Variants in LRFN1 observed in about 807,000 individuals in gnomAD.
LRFN1 encodes the protein leucine-rich repeat and fibronectin type III domain-containing protein 1.
Under a neutral mutation model 31.8 loss-of-function variants are expected in LRFN1, and 20 were observed. The ratio of observed to expected loss-of-function variants is 0.63; its 90% CI spans 0.44 to 0.91. The LOEUF is 0.91. LRFN1 is among the 40% of genes least tolerant of loss of function. LRFN1 has a pLI of 0.00. For synonymous variants in LRFN1, 514 were observed against 541.3 expected, an observed-to-expected ratio of 0.95 and a Z score of 0.70; for missense variants, 912 against 1,129.8, an observed-to-expected ratio of 0.81 and a Z score of 2.76.
intron 1 of LRFN1, among the ~76,000 whole-genome samples, chr19:39,319,433 TCACA>T (rs59717724): frequency 4.7e-5 from 7 of 149,358 alleles, no homozygotes; most frequent in Admixed American, 2.7e-4. Context: ...GATACATACC[TCACA>T]CACACACACA....
chr19:39,307,170 G>A lies in LRFN1; in HGVS notation c.*463C>T. 1 of 397,098 alleles carries A rather than the reference G, an allele frequency of 2.5e-6. No individual in the cohort carries two copies. The highest frequency in any genetic ancestry group is 1.4e-4 in the South Asian group (1 of 7,066). The allele number at this position is 397,098 out of a possible 1,614,324, so 24.6% of individuals were successfully genotyped here. On this transcript the variant is annotated 3_prime_UTR_variant, in exon 5 of 5. Coordinates refer to ENST00000248668, the MANE Select transcript of LRFN1 (RefSeq NM_020862.2). This position sits in a 1 kb window ranked among gnomAD's most constrained non-coding sequence, Gnocchi z 6.7. ...CCCGACCGGACCAGGAATGTGCGTGGGGTGGGGTGGGAGGCTTTGGAGGCC... is the reference window on the plus strand; with the variant it reads ...CCCGACCGGACCAGGAATGTGCGTGAGGTGGGGTGGGAGGCTTTGGAGGCC...
Position 39,309,478 on chromosome 19 carries a change from C to CAAAAAAAAAAAAAA in LRFN1, c.1407-950_1407-937dup, listed in dbSNP as rs71169583. On this transcript the variant is annotated intron_variant, in intron 4 of 4. Transcript: ENST00000248668. ...ACTCTGTCTCAAAAAACAAACAAAC[C>CAAAAAAAAAAAAAA]AAAAAAAAAAAAAAAAAAAAAAAAA... 7.2e-4 allele frequency among the ~76,000 whole-genome samples: 23 copies of CAAAAAAAAAAAAAA among 31,998 alleles called. 2 individuals are homozygous for CAAAAAAAAAAAAAA. Among genetic ancestry groups the CAAAAAAAAAAAAAA allele is most frequent in the African/African-American group, 2.6e-3 (18 of 6,826 alleles). 21.0% of individuals were successfully genotyped at this position (31,998 alleles called of 152,430 possible).
chr19:39,308,646 G>T lies in LRFN1; in HGVS notation c.1407-104C>A. On this transcript the variant is annotated intron_variant, in intron 4 of 4. Transcript: ENST00000248668. This position sits in a 1 kb window ranked among gnomAD's most constrained non-coding sequence, Gnocchi z 6.2. Reference sequence around the variant, plus strand: ...ACAGTGGGGACTAAACCCTGCTATCGAAGTCTCAGCCGCTACTGAGACAAC... The same window carrying T: ...ACAGTGGGGACTAAACCCTGCTATCTAAGTCTCAGCCGCTACTGAGACAAC... 1.9e-6 allele frequency: 2 copies of T among 1,064,924 alleles called. No homozygotes were observed. The highest frequency in any genetic ancestry group is 2.6e-6 in the Non-Finnish European group (2 of 760,442). The allele number at this position is 1,064,924 out of a possible 1,614,324, so 66.0% of individuals were successfully genotyped here.
intron 2 of LRFN1, among the ~76,000 whole-genome samples, chr19:39,317,325 T>C (rs964005803): frequency 6.6e-6 from 1 of 151,990 alleles, no homozygotes; most frequent in African/African-American, 2.4e-5. Context: ...TGTCCTACCA[T>C]CTCTGAGTTC....
At position 39,314,599 on chromosome 19, in the gene LRFN1, G is replaced by T; in HGVS notation, c.738C>A (p.Thr246=). The change falls in exon 4 of 5, where the codon ACC becomes ACA. Residue 246 remains threonine, a synonymous_variant. Coordinates refer to ENST00000248668, the MANE Select transcript of LRFN1 (RefSeq NM_020862.2). ...GCAGGGGGTTGCCGCCGAAGCTGAC[G>T]GTCAGCGGGGTGGGCGGCTTGGGCC... ...GTGPKPPTPL[T]VSFGGNPLHC... 6.2e-7 allele frequency: 1 copy of T among 1,609,892 alleles called. No homozygotes were observed. Among genetic ancestry groups the T allele is most frequent in the Non-Finnish European group, 8.5e-7 (1 of 1,178,262 alleles).
chr19:39,309,961 C>T (rs2075145169), intron 4 of LRFN1, among the ~76,000 whole-genome samples: 1 of 152,140 alleles, frequency 6.6e-6, no homozygotes, highest in South Asian at 2.1e-4. Flanking sequence ...TCTTTTGTTT[C>T]ATTTTGTTTT....
chr19:39,317,918 C>G (rs1287261436), intron 2 of LRFN1, among the ~76,000 whole-genome samples: 1 of 152,100 alleles, frequency 6.6e-6, no homozygotes, highest in Non-Finnish European at 1.5e-5. Flanking sequence ...CTTCCCACAC[C>G]CATGCACACG....
Position 39,308,218 on chromosome 19 carries a change from C to T in LRFN1, c.1731G>A (p.Pro577=). ...TCTGCGAGCACACGTGGCTGACCCG[C>T]GGGAGCGACCTGGAGCCCTTGACGC... ...SRRVKGSRSL[P]RVSHVCSQTN... is the part of the protein sequence containing the mutation. The change falls in exon 5 of 5, where the codon CCG becomes CCA. Residue 577 remains proline (P), a synonymous_variant. Transcript: ENST00000248668. This position sits in a 1 kb window ranked among gnomAD's most constrained non-coding sequence, Gnocchi z 6.2. The T allele has an allele frequency of 6.8e-6, 11 of 1,609,798 alleles. No homozygotes were observed. The highest frequency in any genetic ancestry group is 8.5e-6 in the Non-Finnish European group (10 of 1,177,770).
At chr19:39,318,564 AG>A (rs2145039789) in intron 1 of LRFN1, among the ~76,000 whole-genome samples, 1 of 152,194 alleles carries the variant, frequency 6.6e-6, no homozygotes, top group African/African-American at 2.4e-5. Context: ...CACCCTCCAA[AG>A]CCCAGGAGTC....
At position 39,307,674 on chromosome 19, in the gene LRFN1, C is replaced by T; in HGVS notation, c.2275G>A (p.Ala759Thr). The T allele has an allele frequency of 6.7e-7, 1 of 1,496,566 alleles. No individual in the cohort carries two copies. Among genetic ancestry groups the T allele is most frequent in the Non-Finnish European group, 8.8e-7 (1 of 1,131,714 alleles). 92.7% of individuals were successfully genotyped at this position (1,496,566 alleles called of 1,614,324 possible). The stretch of plus-strand genomic sequence containing the variant: ...AGCATCCACTCGGTGCTGGTGAAAG[C>T]CAGGCACGCCCTGGCGGAGCCCAGC... Reference protein sequence around the residue: ...LGLGSARACLAFTSTEWMLES... With the variant: ...LGLGSARACLTFTSTEWMLES... Residue 759 changes from alanine to threonine, a missense_variant, in exon 5 of 5, where the codon GCT (alanine) becomes ACT (threonine). Transcript: ENST00000248668. This position sits in a 1 kb window ranked among gnomAD's most constrained non-coding sequence, Gnocchi z 6.7.
Position 39,314,292 on chromosome 19 carries a change from C to T in LRFN1, c.1045G>A (p.Val349Ile), listed in dbSNP as rs376202039. 1.9e-6 allele frequency: 3 copies of T among 1,610,014 alleles called. No homozygotes were observed. Among genetic ancestry groups the T allele is most frequent in the African/African-American group, 2.7e-5 (2 of 74,876 alleles). Residue 349 changes from valine (V) to isoleucine (I), a missense_variant, in exon 4 of 5, where the codon GTC becomes ATC. Val to Ile is a conservative substitution (Grantham distance 29). Transcript: ENST00000248668. ...RLLGNSSRTR[V>I]RGDGTLDVTI... ...ACATCCAGCGTCCCGTCCCCCCGGA[C>T]CCGGGTCCGGCTGGAGTTCCCCAGC...
chr19:39,313,165 G>A (rs372825713), intron 4 of LRFN1, among the ~76,000 whole-genome samples: 6 of 152,250 alleles, frequency 3.9e-5, no homozygotes, highest in Middle Eastern at 3.4e-3. Context: ...TTTCTCATAC[G>A]TTTTGTTTTC....
In LRFN1 at chr19:39,320,028, C is replaced by G. The variant is rs2075183052; in HGVS notation, c.-126+765G>C. On this transcript the variant is annotated intron_variant, in intron 1 of 4. Coordinates refer to ENST00000248668, the MANE Select transcript of LRFN1 (RefSeq NM_020862.2). ...GGGCCGGGTCTTCGCCCCCCAACCC[C>G]CACCTCAGGGCCCATCTGTCCATTT... Among the ~76,000 whole-genome samples the G allele has an allele frequency of 2.7e-5, 4 of 150,360 alleles. No individual in the cohort carries two copies. In the South Asian group the frequency reaches 8.6e-4, roughly 32 times the overall value.
At chr19:39,319,433 TCACACA>T (rs59717724) in intron 1 of LRFN1, among the ~76,000 whole-genome samples, 4 of 149,248 alleles carry the variant, frequency 2.7e-5, no homozygotes, top group African/African-American at 9.9e-5. Flanking sequence ...GATACATACC[TCACACA>T]CACACACACA....
intron 1 of LRFN1, among the ~76,000 whole-genome samples, chr19:39,320,063 T>G (rs2075183185): frequency 8.8e-6 from 1 of 112,998 alleles, no homozygotes; most frequent in Non-Finnish European, 1.7e-5. Context: ...TCTCGGCCTC[T>G]CATCCCCCCT....
At chr19:39,318,016 A>G (rs1345495589) in intron 2 of LRFN1, among the ~76,000 whole-genome samples, 1 of 151,982 alleles carries the variant, frequency 6.6e-6, no homozygotes, top group Non-Finnish European at 1.5e-5. Flanking sequence ...TCCTTTACTG[A>G]TATCATGAGG....
chr19:39,316,428 G>C (rs148214023), intron 2 of LRFN1, among the ~76,000 whole-genome samples: 80 of 152,294 alleles, frequency 5.3e-4, no homozygotes, highest in African/African-American at 1.9e-3. Flanking sequence ...TTCTTAATCT[G>C]TAAATTGGGA....
chr19:39,310,737 C>T (rs146927473), intron 4 of LRFN1, among the ~76,000 whole-genome samples: 1,910 of 152,296 alleles, frequency 0.013, 15 homozygotes, highest in Non-Finnish European at 0.02. Context: ...GGCCACATCC[C>T]CACCTCCGAA....
chr19:39,320,339 C>A (rs1280867215), intron 1 of LRFN1, among the ~76,000 whole-genome samples: 2 of 150,022 alleles, frequency 1.3e-5, no homozygotes, highest in Non-Finnish European at 2.9e-5. Flanking sequence ...CACACACACA[C>A]ACAAATGGAC....
Sources: allele counts gnomAD v4.1 joint callset (sites outside exome capture counted in the v4.1 genomes callset), GRCh38; gene constraint gnomAD v4.1.1; non-coding constraint Gnocchi (gnomAD v3.1); transcripts MANE v1.5; gene names NCBI Gene and HGNC (gene_info 2026-07-23, HGNC 2026-07-21).